GLB1: variants seen among roughly 807,000 people sequenced by gnomAD.
GLB1 encodes galactosidase beta 1.
A neutral mutation model predicts 74.0 loss-of-function variants in GLB1; 56 were observed. The observed-to-expected ratio is 0.76, with a 90% confidence interval of 0.61 to 0.94. GLB1 has a LOEUF of 0.94. GLB1 is among the 40% of genes least tolerant of loss of function. The pLI, the probability that GLB1 is intolerant of heterozygous loss-of-function variation, is 0.00. For missense variants in GLB1, 787 were observed against 845.5 expected (o/e 0.93, Z 0.86); for synonymous variants, 323 against 323.6 (o/e 1.00, Z 0.02).
intron 1 of GLB1, among the ~76,000 whole-genome samples, chr3:33,085,713 T>C (rs980281235): frequency 6.6e-6 from 1 of 151,860 alleles, no homozygotes; most frequent in Non-Finnish European, 1.5e-5. Context: ...AACAAAACTA[T>C]TAGGGTCTCA....
intron 10 of GLB1, among the ~76,000 whole-genome samples, chr3:33,031,817 GAC>G (rs1347935660): frequency 1.3e-5 from 2 of 150,966 alleles, no homozygotes; most frequent in Non-Finnish European, 1.5e-5. Context: ...TTGTTTTTGA[GAC>G]AGAGTTTTGC....
At chr3:32,986,554 TTCTC>T in the GLB1 span, among the ~76,000 whole-genome samples, 3 of 151,944 alleles carry the variant, frequency 2.0e-5, no homozygotes, top group Non-Finnish European at 2.9e-5. Flanking sequence ...TGAATGGTCT[TTCTC>T]TCTCTTAGTT....
chr3:33,000,850 C>T (rs183749587), intron 15 of GLB1, among the ~76,000 whole-genome samples: 127 of 152,310 alleles, frequency 8.3e-4, no homozygotes, highest in African/African-American at 2.8e-3. Context: ...ATCAGTCTTC[C>T]ATTTCTCTCT....
At position 33,024,320 on chromosome 3, in the gene GLB1, T is replaced by C. The variant is rs2125479142; in HGVS notation, c.1074A>G (p.Glu358=). ...FALRNIIQKF[E]KVPEGPIPPS... The stretch of plus-strand genomic sequence containing the variant: ...GAGGGATAGGACCTTCTGGTACTTT[T>C]TCAAACTATAAACCAGAGTAGAAAA... The change falls in exon 11 of 16, where the codon GAA becomes GAG. Residue 358 remains glutamate (E), a synonymous_variant. Coordinates refer to ENST00000307363, the MANE Select transcript of GLB1 (RefSeq NM_000404.4). 5.0e-6 allele frequency: 8 copies of C among 1,603,154 alleles called. No homozygotes were observed. The highest frequency in any genetic ancestry group is 1.7e-5 in the Admixed American group (1 of 59,092).
In GLB1 at chr3:33,068,425, G is replaced by A. The variant is rs193153364; in HGVS notation, c.397-135C>T. On this transcript the variant is annotated intron_variant, in intron 3 of 15. Transcript: ENST00000307363. ...AGGGGTATTTGAGCTGGGCTTTTTG[G>A]TTTATAACTTGCAGAGAAATTAGAA... 5.0e-4 allele frequency: 612 copies of A among 1,222,782 alleles called. 5 individuals are homozygous for A. In the Middle Eastern group the frequency reaches 6.7e-3, roughly 13 times the overall value. The allele number at this position is 1,222,782 out of a possible 1,614,324, so 75.7% of individuals were successfully genotyped here. A position where few individuals can be genotyped will look rare whatever the true frequency, so the allele number is the denominator to read the frequency against.
the GLB1 span, among the ~76,000 whole-genome samples, chr3:32,979,086 C>T: frequency 1.3e-5 from 2 of 151,948 alleles, no homozygotes; most frequent in Admixed American, 1.3e-4. Flanking sequence ...AAGCGATTCA[C>T]CTGCCTCAGC....
At chr3:33,086,351 G>T (rs1347565182) in intron 1 of GLB1, among the ~76,000 whole-genome samples, 1 of 151,910 alleles carries the variant, frequency 6.6e-6, no homozygotes, top group Admixed American at 6.6e-5. Context: ...CTTTTTCAGA[G>T]TAACCACATA....
chr3:33,034,360 C>T, intron 10 of GLB1: 1 of 757,634 alleles, frequency 1.3e-6, no homozygotes, highest in Non-Finnish European at 2.5e-6. Flanking sequence ...TACCTGGAAG[C>T]CTCATAGACC....
intron 1 of GLB1, among the ~76,000 whole-genome samples, chr3:33,082,316 C>T (rs1199287154): frequency 2.0e-5 from 3 of 152,180 alleles, no homozygotes; most frequent in Non-Finnish European, 4.4e-5. Flanking sequence ...GATGGTTTTA[C>T]ATAATGGCCT....
At chr3:33,081,415 A>G (rs1700319155) in intron 1 of GLB1, among the ~76,000 whole-genome samples, 2 of 152,286 alleles carry the variant, frequency 1.3e-5, no homozygotes, top group Admixed American at 6.5e-5. Flanking sequence ...GGTCTACAGG[A>G]AATGAGGTGA....
chr3:33,081,679 C>T (rs1438996402), intron 1 of GLB1, among the ~76,000 whole-genome samples: 1 of 152,206 alleles, frequency 6.6e-6, no homozygotes, highest in East Asian at 1.9e-4. Context: ...GCATAACCAG[C>T]ATGGGACCGC....
At chr3:33,031,489 C>T (rs910535827) in intron 10 of GLB1, among the ~76,000 whole-genome samples, 1 of 150,592 alleles carries the variant, frequency 6.6e-6, no homozygotes, top group Admixed American at 6.6e-5. Context: ...ACTAAAAATA[C>T]AAAAATTAGC....
intron 9 of GLB1, 132 bp downstream of exon 9, chr3:33,051,626 G>GAAAAAGA (rs1559401024): frequency 1.3e-5 from 14 of 1,113,126 alleles, no homozygotes; most frequent in Admixed American, 8.5e-5. Flanking sequence ...AAAAGAAAAA[G>GAAAAAGA]AAAAAAAAAG....
chr3:33,058,417 A>C, intron 5 of GLB1, 148 bp from the exon 6 acceptor site: 1 of 1,090,504 alleles, frequency 9.2e-7, no homozygotes, highest in Non-Finnish European at 1.3e-6. Flanking sequence ...CAGACCTCAA[A>C]ACTGACTAAA....
At chr3:32,961,149 C>T in the GLB1 span, among the ~76,000 whole-genome samples, 1 of 152,228 alleles carries the variant, frequency 6.6e-6, no homozygotes, top group Admixed American at 6.5e-5. Flanking sequence ...TCATATTGAA[C>T]ATAACTGCCA....
At chr3:33,087,574 T>TGCGCGCGC (rs143221303) in intron 1 of GLB1, among the ~76,000 whole-genome samples, 3 of 51,800 alleles carry the variant, frequency 5.8e-5, no homozygotes, top group Non-Finnish European at 1.1e-4. Context: ...TGTCTCAGCA[T>TGCGCGCGC]GCGCGCACAC....
chr3:32,968,668 G>T, the GLB1 span, among the ~76,000 whole-genome samples: 1 of 152,150 alleles, frequency 6.6e-6, no homozygotes, highest in Non-Finnish European at 1.5e-5. Flanking sequence ...TCACAAAGAA[G>T]AGGAAAGAAG....
intron 10 of GLB1, chr3:33,034,148 A>G (rs1698173710): frequency 1.6e-6 from 1 of 626,214 alleles, no homozygotes; most frequent in African/African-American, 1.8e-5. Context: ...CTGGGAGAAG[A>G]CCCACGACCC....
the GLB1 span, among the ~76,000 whole-genome samples, chr3:32,969,631 A>C: frequency 3.3e-5 from 5 of 152,176 alleles, no homozygotes; most frequent in Non-Finnish European, 7.4e-5. Context: ...CCAAATGAAA[A>C]GGCTTGGTTT....
Sources: gnomAD v4.1 joint callset for allele counts (sites outside exome capture counted in the v4.1 genomes callset) on GRCh38, gnomAD v4.1.1 for gene constraint, MANE v1.5 for transcripts, NCBI Gene and HGNC (gene_info 2026-07-23, HGNC 2026-07-21) for gene names.